Variants in CACNA2D3 observed in about 807,000 individuals in gnomAD.
CACNA2D3 encodes the protein voltage-dependent calcium channel subunit alpha-2/delta-3.
Under a neutral mutation model 160.6 loss-of-function variants are expected in CACNA2D3, and 60 were observed. The observed-to-expected ratio is 0.37, with a 90% CI of 0.30 to 0.46. The LOEUF (loss-of-function observed/expected upper bound fraction) is 0.46. Among genes scored for constraint, CACNA2D3 ranks in the 20% least tolerant of loss-of-function variants. CACNA2D3 has a pLI of 1.00. For synonymous variants in CACNA2D3, 558 were observed against 492.9 expected (o/e 1.13, Z -1.75); for missense variants, 1,205 against 1,365.0 (o/e 0.88, Z 1.85).
intron 27 of CACNA2D3, chr3:54,918,321 C>CTTTTTTTTTTCTTTTT: frequency 5.1e-6 from 2 of 390,728 alleles, no homozygotes; most frequent in Non-Finnish European, 8.4e-6. Flanking sequence ...ACAGACACAT[C>CTTTTTTTTTTCTTTTT]TTTTTTTTTT....
chr3:54,820,175 G>T (rs1640880788), intron 14 of CACNA2D3, among the ~76,000 whole-genome samples: 2 of 152,120 alleles, frequency 1.3e-5, no homozygotes, highest in African/African-American at 4.8e-5. Context: ...CATTTGCGCT[G>T]TGTTTTTGTT....
rs773794640 is a variant in CACNA2D3, at chr3:54,320,552, C to A, written c.315C>A (p.Ala105=). The A allele has an allele frequency of 2.6e-5, 40 of 1,549,452 alleles. No homozygotes were observed. The South Asian group carries it at 4.4e-4, about 17-fold the overall frequency. ...AGATGTTTCACAAGAAGTCTGAGGC[C>A]GTCAGGGTAAGTGCCTATGTTTTGT... ...MEEMFHKKSE[A]VRRLVEAAEE... Residue 105 remains alanine, a synonymous_variant, in exon 3 of 38, where the codon GCC becomes GCA. Coordinates refer to ENST00000474759, the MANE Select transcript of CACNA2D3 (RefSeq NM_018398.3).
intron 11 of CACNA2D3, among the ~76,000 whole-genome samples, chr3:54,747,700 C>T (rs1025808344): frequency 3.3e-5 from 5 of 152,116 alleles, no homozygotes; most frequent in African/African-American, 1.2e-4. Flanking sequence ...CCTTCAATAT[C>T]CCTGGAGCTT....
intron 27 of CACNA2D3, among the ~76,000 whole-genome samples, chr3:54,955,564 T>C (rs1701866955): frequency 6.6e-6 from 1 of 152,188 alleles, no homozygotes; most frequent in Non-Finnish European, 1.5e-5. Flanking sequence ...TAGAGGAACG[T>C]TGATTCTGAG....
chr3:54,996,428 A>G (rs1202842533), intron 31 of CACNA2D3, among the ~76,000 whole-genome samples: 1 of 152,238 alleles, frequency 6.6e-6, no homozygotes, highest in African/African-American at 2.4e-5. Flanking sequence ...AGCTAGGTGC[A>G]TTTACTGGGC....
chr3:54,918,673 G>T (rs1559628771), intron 27 of CACNA2D3: 2 of 1,614,130 alleles, frequency 1.2e-6, no homozygotes, highest in Non-Finnish European at 8.5e-7. Context: ...CCTTGGCTTG[G>T]GTTTGAGCTC....
At chr3:54,528,740 T>C (rs939198799) in intron 5 of CACNA2D3, among the ~76,000 whole-genome samples, 1 of 152,200 alleles carries the variant, frequency 6.6e-6, no homozygotes, top group Non-Finnish European at 1.5e-5. Flanking sequence ...GCTATCAGCT[T>C]GTGGGCTGAC....
At chr3:54,829,946 GT>G (rs1327776235) in intron 14 of CACNA2D3, among the ~76,000 whole-genome samples, 3 of 130,554 alleles carry the variant, frequency 2.3e-5, no homozygotes, top group African/African-American at 9.0e-5. Context: ...CCAGGCTGGA[GT>G]GCAGTGGCAA....
At position 54,871,611 on chromosome 3, in the gene CACNA2D3, C is replaced by A; in HGVS notation, c.1699C>A (p.Arg567=). The A allele has an allele frequency of 6.2e-7, 1 of 1,611,692 alleles. No individual in the cohort carries two copies. Among genetic ancestry groups the A allele is most frequent in the Non-Finnish European group, 8.5e-7 (1 of 1,178,022 alleles). Reference sequence around the variant, plus strand: ...CCTCTCTGAGGTGGAGTGGGAAGACCGAGATGACGTGGTAAGTGATTTGTT... The same window carrying A: ...CCTCTCTGAGGTGGAGTGGGAAGACAGAGATGACGTGGTAAGTGATTTGTT... ...VDLSEVEWED[R]DDVLRNAMVN... The change falls in exon 18 of 38, where the codon CGA becomes AGA. Residue 567 remains arginine (R), a synonymous_variant. Transcript: ENST00000474759.
At chr3:54,626,899 T>A (rs1002781777) in intron 9 of CACNA2D3, among the ~76,000 whole-genome samples, 1 of 152,060 alleles carries the variant, frequency 6.6e-6, no homozygotes, top group Non-Finnish European at 1.5e-5. Flanking sequence ...CAGAAACGTG[T>A]GGGGTTTCGC....
chr3:54,626,468 T>G, intron 9 of CACNA2D3: 1 of 1,604,210 alleles, frequency 6.2e-7, no homozygotes, highest in Non-Finnish European at 8.5e-7. Context: ...GTGATCATCC[T>G]GCCCGAGATG....
intron 2 of CACNA2D3, among the ~76,000 whole-genome samples, chr3:54,210,875 T>C (rs1356780453): frequency 6.6e-6 from 1 of 152,190 alleles, no homozygotes; most frequent in Admixed American, 6.5e-5. Context: ...ACTGCCAGGC[T>C]GCATCCTGAG....
intron 2 of CACNA2D3, among the ~76,000 whole-genome samples, chr3:54,279,978 T>C (rs557201657): frequency 7.2e-5 from 11 of 152,356 alleles, no homozygotes; most frequent in Non-Finnish European, 1.2e-4. Context: ...CCTAGGCTAG[T>C]TCCACCTGTA....
At chr3:54,482,082 A>G (rs1700942188) in intron 4 of CACNA2D3, among the ~76,000 whole-genome samples, 1 of 152,206 alleles carries the variant, frequency 6.6e-6, no homozygotes, top group Non-Finnish European at 1.5e-5. Context: ...AACAAATTAC[A>G]TTTGCTATAT....
intron 35 of CACNA2D3, among the ~76,000 whole-genome samples, chr3:55,054,324 G>A (rs918542024): frequency 1.3e-5 from 2 of 151,620 alleles, no homozygotes; most frequent in African/African-American, 4.8e-5. Context: ...CTGTTCATTT[G>A]TGTTTTAACC....
intron 27 of CACNA2D3, among the ~76,000 whole-genome samples, chr3:54,967,545 TAC>T (rs1702180793): frequency 1.3e-5 from 2 of 152,290 alleles, no homozygotes; most frequent in African/African-American, 4.8e-5. Context: ...TGCAACAGAC[TAC>T]AGTTTGCAAA....
At chr3:54,304,972 T>C (rs1183915877) in intron 2 of CACNA2D3, among the ~76,000 whole-genome samples, 1 of 152,200 alleles carries the variant, frequency 6.6e-6, no homozygotes. Flanking sequence ...AATTTGCATC[T>C]GTATTTAGCA....
chr3:54,382,747 G>A (rs1204073729), intron 3 of CACNA2D3, among the ~76,000 whole-genome samples: 2 of 152,264 alleles, frequency 1.3e-5, no homozygotes, highest in Admixed American at 1.3e-4. Context: ...TCACGCCATT[G>A]CACTCCAACC....
intron 16 of CACNA2D3, 140 bp from the exon 17 acceptor site, chr3:54,846,253 A>G (rs755058316): frequency 1.7e-5 from 9 of 518,098 alleles, no homozygotes; most frequent in Non-Finnish European, 2.4e-5. Context: ...CCTTGCATTC[A>G]TTTTAATGAA....
Sources: allele counts gnomAD v4.1 joint callset (sites outside exome capture counted in the v4.1 genomes callset), GRCh38; gene constraint gnomAD v4.1.1; transcripts MANE v1.5; gene names NCBI Gene and HGNC (gene_info 2026-07-23, HGNC 2026-07-21).